The following MCC variants were observed in gnomAD, a reference collection of about 807,000 sequenced individuals.
The protein encoded by MCC is MCC regulator of Wnt signaling pathway, also known as colorectal mutant cancer protein.
Under a neutral mutation model 116.2 loss-of-function variants are expected in MCC, and 90 were observed. The ratio of observed to expected loss-of-function variants is 0.77; its 90% CI spans 0.65 to 0.92. The LOEUF (loss-of-function observed/expected upper bound fraction) is 0.92. Ranked by LOEUF, MCC falls within the 40% of genes least tolerant of loss-of-function variation. The pLI is 0.00. For synonymous variants in MCC, 578 were observed against 510.5 expected (o/e 1.13, Z -1.78); for missense variants, 1,516 against 1,312.2 (o/e 1.16, Z -2.40).
chr5:113,488,397 C>A lies in MCC; in HGVS notation c.18G>T (p.Ala6=). The change falls in exon 1 of 19, where the codon GCG becomes GCT. Residue 6 remains alanine, a synonymous_variant. Transcript: ENST00000408903. MMAAA[A]AAAAGSSSSG... ...TGCTGGAGCTCCCCGCAGCCGCTGC[C>A]GCCGCGGCCGCCATCATGCGCCCGC... The A allele has an allele frequency of 1.4e-6, 2 of 1,397,852 alleles. No individual in the cohort carries two copies. The highest frequency in any genetic ancestry group is 2.0e-4 in the Middle Eastern group (1 of 4,912). The allele number at this position is 1,397,852 out of a possible 1,614,324, so 86.6% of individuals were successfully genotyped here. A position where few individuals can be genotyped will look rare whatever the true frequency, so the allele number is the denominator to read the frequency against.
chr5:113,464,379 C>A (rs780932922), intron 1 of MCC, among the ~76,000 whole-genome samples: 14 of 152,222 alleles, frequency 9.2e-5, no homozygotes, highest in Admixed American at 6.5e-5. Context: ...CCAGCTTCCA[C>A]CTCATGGCTT....
intron 14 of MCC, among the ~76,000 whole-genome samples, chr5:113,055,840 G>C (rs185435639): frequency 6.6e-6 from 1 of 152,196 alleles, no homozygotes; most frequent in African/African-American, 2.4e-5. Flanking sequence ...TTTCCATACA[G>C]TGAGTGAACC....
At chr5:113,233,010 T>C (rs1189966631) in intron 3 of MCC, among the ~76,000 whole-genome samples, 1 of 152,166 alleles carries the variant, frequency 6.6e-6, no homozygotes, top group Non-Finnish European at 1.5e-5. Context: ...CTTTTATAAG[T>C]CTTGTTACAG....
chr5:113,134,251 C>T lies in MCC; in HGVS notation c.884+8967G>A, dbSNP rs1027748246. Among the ~76,000 whole-genome samples the T allele has an allele frequency of 5.3e-5, 8 of 152,088 alleles. No individual in the cohort carries two copies. In the South Asian group the frequency reaches 6.2e-4, roughly 12 times the overall value. On this transcript the variant is annotated intron_variant, in intron 5 of 18. Coordinates refer to ENST00000408903, the MANE Select transcript of MCC (RefSeq NM_001085377.2). ...AATCTGCTCTGATTTTTGTATATGG[C>T]GAGAGATTGGTGTCTGGTTTCATTC...
chr5:113,165,306 G>A (rs1029384758), intron 3 of MCC, among the ~76,000 whole-genome samples: 1 of 152,098 alleles, frequency 6.6e-6, no homozygotes. Context: ...CTAGTAATTC[G>A]GACAGGTATG....
intron 3 of MCC, among the ~76,000 whole-genome samples, chr5:113,247,670 G>A (rs1764627621): frequency 6.6e-6 from 1 of 152,074 alleles, no homozygotes; most frequent in Non-Finnish European, 1.5e-5. Context: ...GAGGTGATGG[G>A]GACCGGTCCA....
At chr5:113,363,348 G>T (rs1768597196) in intron 2 of MCC, among the ~76,000 whole-genome samples, 1 of 152,154 alleles carries the variant, frequency 6.6e-6, no homozygotes, top group South Asian at 2.1e-4. Context: ...AATTTAATTG[G>T]CTCACAGTTC....
chr5:113,224,239 C>T (rs1377794424), intron 3 of MCC, among the ~76,000 whole-genome samples: 12 of 152,026 alleles, frequency 7.9e-5, no homozygotes, highest in African/African-American at 2.2e-4. Flanking sequence ...GGATCAGGCA[C>T]GCGCGACCAC....
chr5:113,404,502 ACT>A (rs1195530837), intron 1 of MCC, among the ~76,000 whole-genome samples: 1 of 152,114 alleles, frequency 6.6e-6, no homozygotes, highest in Non-Finnish European at 1.5e-5. Flanking sequence ...AGCAAAGGTC[ACT>A]CTCACAGCCT....
At chr5:113,187,720 A>T (rs1376408516) in intron 3 of MCC, among the ~76,000 whole-genome samples, 2 of 148,418 alleles carry the variant, frequency 1.3e-5, no homozygotes, top group African/African-American at 5.0e-5. Flanking sequence ...GCGCCACTGC[A>T]CTCCGGCCTG....
chr5:113,152,988 T>G (rs755671316), intron 3 of MCC, among the ~76,000 whole-genome samples: 1 of 152,164 alleles, frequency 6.6e-6, no homozygotes, highest in African/African-American at 2.4e-5. Flanking sequence ...TCCCGTTGTA[T>G]AGTCTTGTTG....
At chr5:113,329,483 C>T (rs1767646058) in intron 3 of MCC, among the ~76,000 whole-genome samples, 1 of 134,558 alleles carries the variant, frequency 7.4e-6, no homozygotes, top group Non-Finnish European at 1.6e-5. Flanking sequence ...TACGTATACA[C>T]ACACATATAT....
intron 17 of MCC, among the ~76,000 whole-genome samples, chr5:113,033,640 T>C (rs553877398): frequency 1.3e-5 from 2 of 152,346 alleles, no homozygotes; most frequent in Admixed American, 6.5e-5. Flanking sequence ...CCTTCAATAG[T>C]AATGTATTCA....
At chr5:113,453,538 C>T (rs1007128189) in intron 1 of MCC, among the ~76,000 whole-genome samples, 2 of 152,172 alleles carry the variant, frequency 1.3e-5, no homozygotes, top group Non-Finnish European at 2.9e-5. Context: ...AGGCAGGCGC[C>T]GTGATTCCCT....
intron 5 of MCC, among the ~76,000 whole-genome samples, chr5:113,133,617 T>C (rs913113231): frequency 2.0e-5 from 3 of 152,198 alleles, no homozygotes; most frequent in Admixed American, 6.5e-5. Flanking sequence ...AATATATTGA[T>C]GTCTTTTCTT....
At chr5:113,475,489 A>G (rs960891932) in intron 1 of MCC, among the ~76,000 whole-genome samples, 2 of 152,196 alleles carry the variant, frequency 1.3e-5, no homozygotes, top group African/African-American at 4.8e-5. Flanking sequence ...GTCATCGATA[A>G]TCAATGGCAT....
At chr5:113,117,859 C>T (rs562445659) in intron 6 of MCC, among the ~76,000 whole-genome samples, 2 of 152,328 alleles carry the variant, frequency 1.3e-5, no homozygotes, top group African/African-American at 4.8e-5. Context: ...AATCTGATTG[C>T]AAATGCTTCA....
At chr5:113,346,911 G>C (rs1215423323) in intron 2 of MCC, among the ~76,000 whole-genome samples, 1 of 150,578 alleles carries the variant, frequency 6.6e-6, no homozygotes, top group East Asian at 1.9e-4. Flanking sequence ...GGCCAGGAGA[G>C]AGTGGCATGA....
chr5:113,483,970 A>C (rs886363423), intron 1 of MCC, among the ~76,000 whole-genome samples: 3 of 152,220 alleles, frequency 2.0e-5, no homozygotes, highest in African/African-American at 7.2e-5. Context: ...ACATGGTCTC[A>C]CATATAAGCG....
Sources: gnomAD v4.1 joint callset for allele counts (sites outside exome capture counted in the v4.1 genomes callset) on GRCh38, gnomAD v4.1.1 for gene constraint, MANE v1.5 for transcripts, NCBI Gene and HGNC (gene_info 2026-07-23, HGNC 2026-07-21) for gene names.